WBP1L: variants seen among roughly 807,000 people sequenced by gnomAD.
WBP1L encodes the protein WW domain binding protein 1 like, also known as WW domain binding protein 1-like.
Under a neutral mutation model 33.7 loss-of-function variants are expected in WBP1L, and 17 were observed. The observed-to-expected ratio is 0.50, with a 90% confidence interval of 0.34 to 0.76. WBP1L has a LOEUF of 0.76. Ranked by LOEUF, WBP1L falls within the 30% of genes least tolerant of loss-of-function variation. The pLI, the probability that WBP1L is intolerant of heterozygous loss-of-function variation, is 0.01. For synonymous variants in WBP1L, 173 were observed against 190.8 expected, an observed-to-expected ratio of 0.91 and a Z score of 0.77; for missense variants, 389 against 469.4, an observed-to-expected ratio of 0.83 and a Z score of 1.58.
At chr10:102,769,125 C>A (rs1843153006) in intron 1 of WBP1L, among the ~76,000 whole-genome samples, 2 of 152,204 alleles carry the variant, frequency 1.3e-5, no homozygotes, top group Admixed American at 6.5e-5. Flanking sequence ...GCTGAACCTA[C>A]AAGGTGTACG....
intron 2 of WBP1L, among the ~76,000 whole-genome samples, chr10:102,809,358 A>G (rs1295421797): frequency 6.7e-6 from 1 of 149,576 alleles, no homozygotes; most frequent in African/African-American, 2.5e-5. Flanking sequence ...GATTACAGGC[A>G]TGAGCCACTG....
At chr10:102,744,541 T>G (rs1842841910) in intron 1 of WBP1L, 2 of 949,034 alleles carry the variant, frequency 2.1e-6, no homozygotes, top group Non-Finnish European at 2.5e-6. Flanking sequence ...AGTTGGCCTG[T>G]GAGGGAGGGG....
chr10:102,800,358 C>T (rs1294148065), intron 2 of WBP1L, among the ~76,000 whole-genome samples: 2 of 151,862 alleles, frequency 1.3e-5, no homozygotes, highest in African/African-American at 4.8e-5. Flanking sequence ...TTGGCAGAGC[C>T]GACTCAGGAG....
At chr10:102,749,143 C>T (rs1842898744) in intron 1 of WBP1L, among the ~76,000 whole-genome samples, 1 of 152,162 alleles carries the variant, frequency 6.6e-6, no homozygotes, top group Non-Finnish European at 1.5e-5. Flanking sequence ...TCTCTCTGTG[C>T]CGTCCAATTC....
chr10:102,766,398 A>G (rs10786707), intron 1 of WBP1L, among the ~76,000 whole-genome samples: 104,034 of 143,614 alleles, frequency 0.72, 37,899 homozygotes, highest in East Asian at 0.9. Flanking sequence ...CTGAGATCGC[A>G]CCATTGCACT....
intron 1 of WBP1L, among the ~76,000 whole-genome samples, chr10:102,792,650 A>C (rs1843518595): frequency 7.0e-6 from 1 of 141,934 alleles, no homozygotes; most frequent in Non-Finnish European, 1.5e-5. Context: ...GCTGGCGTGC[A>C]ATGGTGCGAT....
chr10:102,784,414 CTTGT>C (rs1843381302), intron 1 of WBP1L, among the ~76,000 whole-genome samples: 1 of 139,246 alleles, frequency 7.2e-6, no homozygotes, highest in Non-Finnish European at 1.5e-5. Flanking sequence ...TCCAAAAGTT[CTTGT>C]TTCTTTTTTT....
chr10:102,812,494 TG>T (rs768135491), intron 3 of WBP1L, 100 bp from the exon 4 acceptor site: 187 of 1,382,632 alleles, frequency 1.4e-4, no homozygotes, highest in Non-Finnish European at 1.3e-4. Context: ...TTGGGTGCTC[TG>T]GGGTGGGAAG....
At chr10:102,807,051 T>C (rs1344042032) in intron 2 of WBP1L, among the ~76,000 whole-genome samples, 1 of 152,204 alleles carries the variant, frequency 6.6e-6, no homozygotes, top group Admixed American at 6.5e-5. Flanking sequence ...AAGAGATACA[T>C]GTGGAACTAC....
intron 1 of WBP1L, among the ~76,000 whole-genome samples, chr10:102,760,176 C>T (rs1843019364): frequency 6.6e-6 from 1 of 151,976 alleles, no homozygotes; most frequent in Admixed American, 6.6e-5. Context: ...TCTATTCAAT[C>T]CTTTGTCCAT....
intron 1 of WBP1L, among the ~76,000 whole-genome samples, chr10:102,747,924 C>T (rs1045881304): frequency 1.3e-5 from 2 of 152,104 alleles, no homozygotes; most frequent in Non-Finnish European, 2.9e-5. Flanking sequence ...GGACAAATCT[C>T]TAGAGATGCA....
chr10:102,778,171 T>A (rs1843291861), intron 1 of WBP1L, among the ~76,000 whole-genome samples: 1 of 152,200 alleles, frequency 6.6e-6, no homozygotes, highest in Non-Finnish European at 1.5e-5. Flanking sequence ...TAGACATAAC[T>A]CTTACTTTGA....
intron 1 of WBP1L, chr10:102,746,159 C>T (rs997008300): frequency 1.0e-6 from 1 of 985,110 alleles, no homozygotes; most frequent in Non-Finnish European, 1.2e-6. Context: ...CCTACCAGGT[C>T]GTGGAGCCTG....
chr10:102,800,944 G>A (rs2134061012), intron 2 of WBP1L, among the ~76,000 whole-genome samples: 1 of 152,152 alleles, frequency 6.6e-6, no homozygotes, highest in South Asian at 2.1e-4. Context: ...CTTAACTATA[G>A]TTGCCTACAG....
At chr10:102,772,036 C>T (rs1406338324) in intron 1 of WBP1L, among the ~76,000 whole-genome samples, 4 of 150,320 alleles carry the variant, frequency 2.7e-5, no homozygotes, top group Non-Finnish European at 5.9e-5. Flanking sequence ...TCTCAGCTCA[C>T]TGCAAGCTCT....
chr10:102,797,926 A>G (rs568629601), intron 1 of WBP1L, 67 bp from the exon 2 acceptor site: 215 of 1,370,920 alleles, frequency 1.6e-4, no homozygotes, highest in South Asian at 5.7e-4. Flanking sequence ...CCAGGAGGAC[A>G]ATGATGAGAA....
intron 1 of WBP1L, among the ~76,000 whole-genome samples, chr10:102,775,040 G>T (rs1270353725): frequency 6.7e-6 from 1 of 149,608 alleles, no homozygotes; most frequent in Non-Finnish European, 1.5e-5. Flanking sequence ...GCTTGAGCTC[G>T]GAAGGCAGAG....
chr10:102,749,145 G>A (rs1433056273), intron 1 of WBP1L, among the ~76,000 whole-genome samples: 3 of 152,308 alleles, frequency 2.0e-5, no homozygotes, highest in South Asian at 2.1e-4. Context: ...TCTCTGTGCC[G>A]TCCAATTCAG....
In WBP1L at chr10:102,812,659, C is replaced by G; in HGVS notation, c.420C>G (p.Pro140=). ...EEVVNRPPTP[P]PPYSAFQLQQ... is the part of the protein sequence containing the mutation. ...TGGTGAACCGACCTCCAACTCCTCC[C>G]CCACCATACAGTGCCTTCCAGCTAC... The change falls in exon 4 of 4, where the codon CCC becomes CCG. Residue 140 remains proline, a synonymous_variant. Transcript: ENST00000448841. 1 of 1,609,942 alleles carries G rather than the reference C, an allele frequency of 6.2e-7. No homozygotes were observed. The highest frequency in any genetic ancestry group is 1.1e-5 in the South Asian group (1 of 90,636).
Sources: allele counts gnomAD v4.1 joint callset (sites outside exome capture counted in the v4.1 genomes callset), GRCh38; gene constraint gnomAD v4.1.1; transcripts MANE v1.5; gene names NCBI Gene and HGNC (gene_info 2026-07-23, HGNC 2026-07-21).